Variants in DIPK1B observed in about 807,000 individuals in gnomAD.
The protein encoded by DIPK1B is divergent protein kinase domain 1B, also known as family with sequence similarity 69 member B.
Under a neutral mutation model 20.7 loss-of-function variants are expected in DIPK1B, and 17 were observed. The observed-to-expected ratio is 0.82, with a 90% confidence interval of 0.56 to 1.23. The LOEUF is 1.23. Among genes scored for constraint, DIPK1B ranks in the 50% most tolerant of loss-of-function variants. The probability of loss-of-function intolerance (pLI) is 0.00; values close to 1 mark genes in which losing one functional copy is unlikely to be tolerated. For synonymous variants in DIPK1B, 343 were observed against 276.5 expected (o/e 1.24, Z -2.39); for missense variants, 648 against 601.8 (o/e 1.08, Z -0.80).
At chr9:136,720,056 G>A (rs1423576373) in intron 2 of DIPK1B, among the ~76,000 whole-genome samples, 19 of 150,822 alleles carry the variant, frequency 1.3e-4, no homozygotes, top group Admixed American at 7.3e-4. Context: ...GGGGCTCCGG[G>A]TGCAGGGGGC....
intron 2 of DIPK1B, among the ~76,000 whole-genome samples, chr9:136,719,124 C>T (rs1291053185): frequency 2.1e-5 from 1 of 46,658 alleles, no homozygotes; most frequent in African/African-American, 8.9e-5. Flanking sequence ...GTGGAGGGGC[C>T]GGACCTCCGG....
intron 1 of DIPK1B, among the ~76,000 whole-genome samples, chr9:136,717,288 G>A (rs1040619063): frequency 3.9e-5 from 6 of 152,048 alleles, no homozygotes; most frequent in Admixed American, 6.6e-5. Context: ...GTAGTCCCCT[G>A]GTTTTGACAT....
chr9:136,719,036 G>C (rs1157986733), intron 2 of DIPK1B, among the ~76,000 whole-genome samples: 1 of 151,986 alleles, frequency 6.6e-6, no homozygotes, highest in Admixed American at 6.6e-5. Flanking sequence ...GGCACATGGG[G>C]CTCGTCCTGG....
rs776813151 is a variant in DIPK1B at position 136,717,617 on chromosome 9, C to T, written c.104C>T (p.Ala35Val). The T allele has an allele frequency of 1.9e-6, 3 of 1,603,822 alleles. No individual in the cohort carries two copies. The South Asian group carries it at 3.3e-5, about 18-fold the overall frequency. The change falls in exon 2 of 5, where the codon GCC (alanine) becomes GTC (valine). Residue 35 changes from alanine (A) to valine (V), a missense_variant. Physicochemically the swap from Ala to Val is moderately conservative, Grantham distance 64. Transcript: ENST00000371692. ...PGLRVRCIFL[A>V]WLGVFAGSWL... ...CTCAGGGTCCGCTGCATCTTCCTGG[C>T]CTGGCTGGGCGTCTTTGCAGGCAGC...
rs1199440578 is a variant in DIPK1B at position 136,723,565 on chromosome 9, C to G, written c.1087C>G (p.Gln363Glu). The G allele has an allele frequency of 6.3e-7, 1 of 1,597,976 alleles. No individual in the cohort carries two copies. Among genetic ancestry groups the G allele is most frequent in the Admixed American group, 1.7e-5 (1 of 57,840 alleles). ...LMRQCKGDLI[Q>E]PNLAKVCALL... ...GAGGCAGTGCAAGGGCGACCTCATC[C>G]AGCCCAACCTGGCCAAGGTGTGCGC... The change falls in exon 5 of 5, where the codon CAG becomes GAG. Residue 363 changes from glutamine to glutamate, a missense_variant. Gln to Glu is a conservative substitution (Grantham distance 29). Transcript: ENST00000371692.
intron 1 of DIPK1B, among the ~76,000 whole-genome samples, chr9:136,715,008 G>A (rs779696726): frequency 2.6e-5 from 4 of 152,376 alleles, no homozygotes; most frequent in South Asian, 2.1e-4. Flanking sequence ...GGCCTAAGCC[G>A]GGCTGCAGCC....
rs151332628 is a variant in DIPK1B, at chr9:136,723,480, C to G, written c.1002C>G (p.Cys334Trp). ...GCCGCTTCCTGCAGGGCCGCCGCTG[C>G]GAGCACAGCACCGACTGCACCTACG... is the stretch of plus-strand genomic sequence containing the variant. ...TVRRFLQGRR[C>W]EHSTDCTYGR... is the part of the protein sequence containing the mutation. The change falls in exon 5 of 5, where the codon TGC becomes TGG. Residue 334 changes from cysteine to tryptophan, a missense_variant. Physicochemically the swap from Cys to Trp is radical, Grantham distance 215 (BLOSUM62 -2). Transcript: ENST00000371692. The G allele has an allele frequency of 6.2e-7, 1 of 1,610,052 alleles. No homozygotes were observed. Among genetic ancestry groups the G allele is most frequent in the Non-Finnish European group, 8.5e-7 (1 of 1,178,552 alleles).
At position 136,722,181 on chromosome 9, in the gene DIPK1B, G is replaced by A; in HGVS notation, c.363G>A (p.Glu121=). The change falls in exon 4 of 5, where the codon GAG becomes GAA. Residue 121 remains glutamate (E), a synonymous_variant. Coordinates refer to ENST00000371692, the MANE Select transcript of DIPK1B (RefSeq NM_152421.4). The part of the protein sequence containing the change: ...KDVTIKCGIE[E]TLDSKARSDA... ...TAACCATCAAGTGTGGCATTGAGGAGACCCTCGACTCCAAGGCCCGGTCGG... is the reference window on the plus strand; with the variant it reads ...TAACCATCAAGTGTGGCATTGAGGAAACCCTCGACTCCAAGGCCCGGTCGG... 1.9e-6 allele frequency: 3 copies of A among 1,614,024 alleles called. No individual in the cohort carries two copies. The highest frequency in any genetic ancestry group is 2.5e-6 in the Non-Finnish European group (3 of 1,179,990).
chr9:136,722,951 C>T lies in DIPK1B; in HGVS notation c.484-11C>T, dbSNP rs1463790814. On this transcript the variant is annotated splice_polypyrimidine_tract_variant and intron_variant, in intron 4 of 4. Coordinates refer to ENST00000371692, the MANE Select transcript of DIPK1B (RefSeq NM_152421.4). ...AGCTGGCTTTTCCTTTCTTTTGGTC[C>T]CAAACGCCAGGCGAACCTGGGAGAC... is the stretch of plus-strand genomic sequence containing the variant. 1.3e-6 allele frequency: 2 copies of T among 1,595,234 alleles called. No individual in the cohort carries two copies. The highest frequency in any genetic ancestry group is 1.7e-6 in the Non-Finnish European group (2 of 1,168,974).
intron 2 of DIPK1B, among the ~76,000 whole-genome samples, chr9:136,718,059 C>G (rs953276263): frequency 6.6e-6 from 1 of 151,878 alleles, no homozygotes; most frequent in African/African-American, 2.4e-5. Context: ...GGCCTCACTG[C>G]TCCGGGATAG....
Position 136,722,148 on chromosome 9 carries a change from C to T in DIPK1B, c.330C>T (p.Asp110=), listed in dbSNP as rs1487121402. 6.2e-7 allele frequency: 1 copy of T among 1,613,988 alleles called. No homozygotes were observed. Among genetic ancestry groups the T allele is most frequent in the South Asian group, 1.1e-5 (1 of 91,074 alleles). The part of the protein sequence containing the change: ...GQQVYSGLWR[D]KDVTIKCGIE... ...AGGTGTACAGCGGGCTCTGGCGGGA[C>T]AAGGATGTAACCATCAAGTGTGGCA... is the stretch of plus-strand genomic sequence containing the variant. The change falls in exon 4 of 5, where the codon GAC becomes GAT. Residue 110 remains aspartate (D), a synonymous_variant. Transcript: ENST00000371692.
At position 136,723,724 on chromosome 9, in the gene DIPK1B, C is replaced by G; in HGVS notation, c.1246C>G (p.His416Asp). Residue 416 changes from histidine to aspartate, a missense_variant, in exon 5 of 5, where the codon CAC becomes GAC. Physicochemically the swap from His to Asp is moderately conservative, Grantham distance 81 (BLOSUM62 -1). Coordinates refer to ENST00000371692, the MANE Select transcript of DIPK1B (RefSeq NM_152421.4). ...GGCCCATCACTCGCTGGTGCTCAGC[C>G]ACCTCAAGACTCTGCTCTGGAAGAA... ...VEAHHSLVLS[H>D]LKTLLWKKIS... 6.5e-7 allele frequency: 1 copy of G among 1,536,128 alleles called. No homozygotes were observed. Among genetic ancestry groups the G allele is most frequent in the East Asian group, 2.4e-5 (1 of 40,922 alleles).
chr9:136,719,027 G>T (rs1346986076), intron 2 of DIPK1B, among the ~76,000 whole-genome samples: 1 of 152,086 alleles, frequency 6.6e-6, no homozygotes, highest in Non-Finnish European at 1.5e-5. Flanking sequence ...CCGGAGGGTG[G>T]CACATGGGGC....
rs977144671 is a variant in DIPK1B at position 136,724,580 on chromosome 9, G to A, written c.*806G>A. 14 of 152,244 alleles carry A rather than the reference G, an allele frequency of 9.2e-5. No homozygotes were observed. Among genetic ancestry groups the A allele is most frequent in the African/African-American group, 3.1e-4 (13 of 41,458 alleles). 9.4% of individuals were successfully genotyped at this position (152,244 alleles called of 1,614,324 possible). A position where few individuals can be genotyped will look rare whatever the true frequency, so the allele number is the denominator to read the frequency against. On this transcript the variant is annotated 3_prime_UTR_variant, in exon 5 of 5. Transcript: ENST00000371692. ...GCGGGCTCTGCTCCGCAATGTGTGA[G>A]TCAAGACAATCCATTCCATTCAAGA...
intron 2 of DIPK1B, among the ~76,000 whole-genome samples, chr9:136,718,344 G>A (rs956435413): frequency 9.9e-5 from 15 of 152,114 alleles, no homozygotes; most frequent in Non-Finnish European, 2.2e-4. Flanking sequence ...GGGGTCCCCT[G>A]AGGCAGGTGG....
chr9:136,723,969 G>C lies in DIPK1B; in HGVS notation c.*195G>C. Reference sequence around the variant, plus strand: ...GAGCAAAGGCGGACATGGACATCCCGGCAGGAGAGTCCTCCAAGGGGGTTT... The same window carrying C: ...GAGCAAAGGCGGACATGGACATCCCCGCAGGAGAGTCCTCCAAGGGGGTTT... On this transcript the variant is annotated 3_prime_UTR_variant, in exon 5 of 5. Coordinates refer to ENST00000371692, the MANE Select transcript of DIPK1B (RefSeq NM_152421.4). 1 of 617,178 alleles carries C rather than the reference G, an allele frequency of 1.6e-6. No individual in the cohort carries two copies. The allele number at this position is 617,178 out of a possible 1,614,324, so 38.2% of individuals were successfully genotyped here.
At position 136,723,773 on chromosome 9, in the gene DIPK1B, G is replaced by T. The variant is rs764236864; in HGVS notation, c.1295G>T (p.Ter432LeuextTer30). 1.3e-6 allele frequency: 2 copies of T among 1,533,932 alleles called. No individual in the cohort carries two copies. Among genetic ancestry groups the T allele is most frequent in the Admixed American group, 2.0e-5 (1 of 50,952 alleles). The change falls in exon 5 of 5, where the codon TGA becomes TTA. Residue 432 changes from the stop codon to leucine, a stop_lost. Transcript: ENST00000371692. ...WKKISNTKYS[*>L] ...AAGATCTCCAACACCAAGTACTCTT[G>T]ATGGGGCAGTGAGGGGCCTGGCCAC...
intron 1 of DIPK1B, among the ~76,000 whole-genome samples, chr9:136,713,716 G>GA (rs1348132894): frequency 1.3e-5 from 2 of 152,258 alleles, no homozygotes; most frequent in Non-Finnish European, 2.9e-5. Context: ...AAGAGATGCT[G>GA]ATGCTTGGAG....
In DIPK1B at chr9:136,712,761, G is replaced by C; in HGVS notation, c.63+33G>C. ...CGGTGCGCGCCCGCCGCCCCCGGCCGCCTCTGCCTGGGGAGGCCGAGCTCC... is the reference window on the plus strand; with the variant it reads ...CGGTGCGCGCCCGCCGCCCCCGGCCCCCTCTGCCTGGGGAGGCCGAGCTCC... On this transcript the variant is annotated intron_variant, in intron 1 of 4. Coordinates refer to ENST00000371692, the MANE Select transcript of DIPK1B (RefSeq NM_152421.4). The surrounding 1 kb of genome is among the most constrained non-coding windows in gnomAD (Gnocchi z 5.6). 7.7e-7 allele frequency: 1 copy of C among 1,303,978 alleles called. No homozygotes were observed. Among genetic ancestry groups the C allele is most frequent in the Non-Finnish European group, 9.7e-7 (1 of 1,028,292 alleles). The allele number at this position is 1,303,978 out of a possible 1,614,324, so 80.8% of individuals were successfully genotyped here. A position where few individuals can be genotyped will look rare whatever the true frequency, so the allele number is the denominator to read the frequency against.
Sources: allele counts gnomAD v4.1 joint callset (sites outside exome capture counted in the v4.1 genomes callset), GRCh38; gene constraint gnomAD v4.1.1; non-coding constraint Gnocchi (gnomAD v3.1); transcripts MANE v1.5; gene names NCBI Gene and HGNC (gene_info 2026-07-23, HGNC 2026-07-21).